The following ENAH variants were observed in gnomAD, a reference collection of about 807,000 sequenced individuals.
The protein encoded by ENAH is protein enabled homolog.
A neutral mutation model predicts 78.7 loss-of-function variants in ENAH; 23 were observed. That is an observed-to-expected ratio of 0.29 (90% CI 0.21 to 0.41). The LOEUF (loss-of-function observed/expected upper bound fraction) is 0.41, where lower values mean the gene tolerates loss of function less well. Among genes scored for constraint, ENAH ranks in the 10% least tolerant of loss-of-function variants. ENAH has a pLI of 1.00. For missense variants in ENAH, 544 were observed against 691.0 expected (o/e 0.79, Z 2.39); for synonymous variants, 226 against 241.0 (o/e 0.94, Z 0.58).
At chr1:225,647,361 T>C (rs1662163699) in intron 1 of ENAH, among the ~76,000 whole-genome samples, 1 of 152,216 alleles carries the variant, frequency 6.6e-6, no homozygotes, top group Non-Finnish European at 1.5e-5. Flanking sequence ...TAAAAACAGA[T>C]TGATGGCCCT....
At chr1:225,637,939 C>T (rs932368006) in intron 1 of ENAH, among the ~76,000 whole-genome samples, 1 of 151,984 alleles carries the variant, frequency 6.6e-6, no homozygotes, top group African/African-American at 2.4e-5. Context: ...AAAAAGCAAG[C>T]AAGCAAAAAG....
At chr1:225,612,686 G>A (rs911776418) in intron 1 of ENAH, among the ~76,000 whole-genome samples, 13 of 152,132 alleles carry the variant, frequency 8.5e-5, no homozygotes, top group African/African-American at 2.9e-4. Context: ...TTTGGTAATT[G>A]GAACATAAAC....
intron 1 of ENAH, chr1:225,581,284 T>C (rs556102977): frequency 1.0e-6 from 1 of 985,024 alleles, no homozygotes; most frequent in African/African-American, 1.7e-5. Context: ...CCTCACATTA[T>C]TTTCATGAAG....
chr1:225,594,322 C>G (rs980144387), intron 1 of ENAH, among the ~76,000 whole-genome samples: 2 of 152,086 alleles, frequency 1.3e-5, no homozygotes, highest in Non-Finnish European at 2.9e-5. Context: ...TAAATCCTAT[C>G]ATTCCCACTG....
chr1:225,621,503 G>A (rs1048011314), intron 1 of ENAH, among the ~76,000 whole-genome samples: 9 of 151,404 alleles, frequency 5.9e-5, no homozygotes, highest in African/African-American at 2.2e-4. Context: ...CGTTTTAGCC[G>A]GGATGGTCTC....
At chr1:225,563,182 T>G (rs1409727244) in intron 2 of ENAH, among the ~76,000 whole-genome samples, 1 of 152,218 alleles carries the variant, frequency 6.6e-6, no homozygotes, top group Non-Finnish European at 1.5e-5. Context: ...TTCTAATAGT[T>G]TATCCGCAGA....
intron 1 of ENAH, among the ~76,000 whole-genome samples, chr1:225,646,649 C>A (rs976919604): frequency 1.3e-5 from 2 of 151,582 alleles, no homozygotes; most frequent in Non-Finnish European, 2.9e-5. Context: ...ATTAGCCAGG[C>A]GTGGTGGCAG....
intron 3 of ENAH, among the ~76,000 whole-genome samples, chr1:225,541,564 T>C (rs2096589108): frequency 6.6e-6 from 1 of 152,230 alleles, no homozygotes; most frequent in South Asian, 2.1e-4. Flanking sequence ...TAAAGCTCGA[T>C]AAAGCTGTTA....
intron 1 of ENAH, among the ~76,000 whole-genome samples, chr1:225,642,913 T>C (rs940419436): frequency 2.0e-5 from 3 of 152,218 alleles, no homozygotes; most frequent in African/African-American, 7.2e-5. Context: ...ACCTATCACA[T>C]TGGCAAAGAT....
intron 2 of ENAH, among the ~76,000 whole-genome samples, chr1:225,559,127 A>G (rs573727034): frequency 3.0e-4 from 45 of 152,286 alleles, no homozygotes; most frequent in Non-Finnish European, 5.6e-4. Flanking sequence ...ATTAGTGTTA[A>G]TATGTGGCAT....
In ENAH at chr1:225,507,973, T is replaced by C; in HGVS notation, c.1516A>G (p.Ser506Gly). The change falls in exon 11 of 14, where the codon AGC becomes GGC. Residue 506 changes from serine (S) to glycine (G), a missense_variant. Transcript: ENST00000366843. Reference sequence around the variant, plus strand: ...TACCTGGAGATAACAGGTGACTTGCTGCCATTCATTGTATTTGTTCTTTCC... The same window carrying C: ...TACCTGGAGATAACAGGTGACTTGCCGCCATTCATTGTATTTGTTCTTTCC... ...PWERTNTMNGSKSPVISRPKS... is the reference protein window; with the variant it reads ...PWERTNTMNGGKSPVISRPKS... 1 of 1,563,244 alleles carries C rather than the reference T, an allele frequency of 6.4e-7. No homozygotes were observed. The highest frequency in any genetic ancestry group is 8.6e-7 in the Non-Finnish European group (1 of 1,163,710).
intron 1 of ENAH, among the ~76,000 whole-genome samples, chr1:225,577,559 GAAT>G (rs758925324): frequency 1.3e-5 from 2 of 152,144 alleles, no homozygotes; most frequent in Non-Finnish European, 2.9e-5. Context: ...CTGAGAAATA[GAAT>G]AATAAATAAA....
intron 7 of ENAH, among the ~76,000 whole-genome samples, chr1:225,513,363 C>A (rs2096391408): frequency 6.6e-6 from 1 of 152,062 alleles, no homozygotes; most frequent in African/African-American, 2.4e-5. Flanking sequence ...TGAAGGATAA[C>A]AGGCAAAATA....
intron 13 of ENAH, among the ~76,000 whole-genome samples, chr1:225,498,096 T>G (rs1321909806): frequency 6.6e-6 from 1 of 152,198 alleles, no homozygotes; most frequent in African/African-American, 2.4e-5. Flanking sequence ...AAAGATCTGT[T>G]CATGTGGTTT....
At chr1:225,558,063 C>A (rs1438060549) in intron 2 of ENAH, among the ~76,000 whole-genome samples, 2 of 152,138 alleles carry the variant, frequency 1.3e-5, no homozygotes, top group Non-Finnish European at 2.9e-5. Context: ...GATAAACAAT[C>A]TTGGTCCTCA....
intron 1 of ENAH, among the ~76,000 whole-genome samples, chr1:225,627,776 C>A (rs1168571886): frequency 6.6e-6 from 1 of 152,178 alleles, no homozygotes; most frequent in East Asian, 1.9e-4. Context: ...GACAAGGTGG[C>A]TACTGAATGT....
intron 1 of ENAH, among the ~76,000 whole-genome samples, chr1:225,618,655 G>C (rs1341356910): frequency 6.6e-6 from 1 of 152,124 alleles, no homozygotes; most frequent in Non-Finnish European, 1.5e-5. Context: ...CTGAAATATA[G>C]ATGAATTCTC....
At chr1:225,505,616 G>A (rs930466624) in intron 11 of ENAH, among the ~76,000 whole-genome samples, 6 of 86,262 alleles carry the variant, frequency 7.0e-5, no homozygotes, top group African/African-American at 2.6e-4. Context: ...TACAATGCAA[G>A]GATAAGACAT....
chr1:225,648,681 G>A (rs1383060741), intron 1 of ENAH, among the ~76,000 whole-genome samples: 1 of 151,198 alleles, frequency 6.6e-6, no homozygotes, highest in Non-Finnish European at 1.5e-5. Context: ...GGAACAAAGA[G>A]ACTACTATTT....
Sources: allele counts gnomAD v4.1 joint callset (sites outside exome capture counted in the v4.1 genomes callset), GRCh38; gene constraint gnomAD v4.1.1; transcripts MANE v1.5; gene names NCBI Gene and HGNC (gene_info 2026-07-23, HGNC 2026-07-21).